SRGAP1: variants seen among roughly 807,000 people sequenced by gnomAD.
SRGAP1 encodes SLIT-ROBO Rho GTPase activating protein 1.
In SRGAP1, 43 loss-of-function variants were observed where a neutral mutation model predicts 121.9. That is an observed-to-expected ratio of 0.35 (90% confidence interval 0.28 to 0.46). SRGAP1 has a LOEUF of 0.46. Among genes scored for constraint, SRGAP1 ranks in the 20% least tolerant of loss-of-function variants. SRGAP1 has a pLI of 1.00. For missense variants in SRGAP1, 1,102 were observed against 1,350.9 expected, an observed-to-expected ratio of 0.82 and a Z score of 2.89; for synonymous variants, 447 against 485.4, an observed-to-expected ratio of 0.92 and a Z score of 1.04.
intron 18 of SRGAP1, among the ~76,000 whole-genome samples, chr12:64,118,106 C>T (rs759553496): frequency 7.2e-5 from 11 of 152,080 alleles, no homozygotes; most frequent in Non-Finnish European, 1.5e-4. Context: ...TGGATAAATA[C>T]CCAGAAGTAG....
At position 64,153,864 on chromosome 12, in the gene SRGAP1, C is replaced by T. The variant is rs1400347635; in HGVS notation, c.*11192C>T. ...TATTTGCACACTCATGTTCACGCAGCTTAATTCACAATAGCCACAAGAGAG... is the reference window on the plus strand; with the variant it reads ...TATTTGCACACTCATGTTCACGCAGTTTAATTCACAATAGCCACAAGAGAG... On this transcript the variant is annotated 3_prime_UTR_variant, in exon 22 of 22. Coordinates refer to ENST00000355086, the MANE Select transcript of SRGAP1 (RefSeq NM_020762.4). 2.0e-5 allele frequency: 3 copies of T among 152,200 alleles called. No homozygotes were observed. The highest frequency in any genetic ancestry group is 1.3e-4 in the Admixed American group (2 of 15,284). The allele number at this position is 152,200 out of a possible 1,614,324, so 9.4% of individuals were successfully genotyped here.
intron 1 of SRGAP1, among the ~76,000 whole-genome samples, chr12:63,870,499 T>C (rs1478819700): frequency 1.3e-5 from 2 of 151,858 alleles, no homozygotes; most frequent in African/African-American, 2.4e-5. Flanking sequence ...ATGGCTTTGC[T>C]AGTTTCCAAA....
chr12:64,039,494 T>G (rs1363718952), intron 4 of SRGAP1, among the ~76,000 whole-genome samples: 1 of 152,140 alleles, frequency 6.6e-6, no homozygotes. Flanking sequence ...ATTTTTTCTT[T>G]GCGATAATTT....
intron 21 of SRGAP1, among the ~76,000 whole-genome samples, chr12:64,133,242 T>C (rs558833347): frequency 1.5e-3 from 235 of 152,344 alleles, no homozygotes; most frequent in African/African-American, 5.4e-3. Context: ...CCTGCTCTAA[T>C]GGCTTCCATT....
intron 1 of SRGAP1, among the ~76,000 whole-genome samples, chr12:63,889,701 A>G (rs182469268): frequency 1.6e-4 from 25 of 152,216 alleles, no homozygotes; most frequent in African/African-American, 5.3e-4. Context: ...TGAGGGCAGG[A>G]GTTCAAGACC....
intron 18 of SRGAP1, among the ~76,000 whole-genome samples, chr12:64,118,188 G>A (rs1393378695): frequency 1.3e-5 from 2 of 152,192 alleles, no homozygotes; most frequent in Non-Finnish European, 2.9e-5. Context: ...TGAAGCAGAT[G>A]TGCCATTTTG....
At chr12:63,930,893 A>G (rs1261078912) in intron 1 of SRGAP1, among the ~76,000 whole-genome samples, 1 of 152,156 alleles carries the variant, frequency 6.6e-6, no homozygotes, top group African/African-American at 2.4e-5. Context: ...TAAATGTTCA[A>G]TTTGGTTCTT....
At chr12:64,032,994 A>G (rs1164658284) in intron 4 of SRGAP1, among the ~76,000 whole-genome samples, 1 of 152,160 alleles carries the variant, frequency 6.6e-6, no homozygotes. Flanking sequence ...TCAATTACAA[A>G]TAAAAATATT....
At chr12:64,022,169 G>A (rs914623245) in intron 4 of SRGAP1, among the ~76,000 whole-genome samples, 8 of 152,138 alleles carry the variant, frequency 5.3e-5, no homozygotes, top group Non-Finnish European at 1.0e-4. Context: ...GTGTGTGTGT[G>A]TGTGCATGTG....
chr12:63,967,015 T>C (rs2032808557), intron 1 of SRGAP1, among the ~76,000 whole-genome samples: 1 of 152,262 alleles, frequency 6.6e-6, no homozygotes, highest in South Asian at 2.1e-4. Flanking sequence ...ATAGGTTGGC[T>C]TTATCCTGTC....
intron 4 of SRGAP1, among the ~76,000 whole-genome samples, chr12:64,024,087 A>G (rs1355486872): frequency 6.6e-6 from 1 of 152,182 alleles, no homozygotes; most frequent in African/African-American, 2.4e-5. Context: ...AGACTGTTAT[A>G]TGGGTTACAG....
At chr12:63,865,675 C>T (rs759721039) in intron 1 of SRGAP1, among the ~76,000 whole-genome samples, 4 of 152,162 alleles carry the variant, frequency 2.6e-5, no homozygotes, top group Non-Finnish European at 5.9e-5. Context: ...ACTTTTGAAG[C>T]GTTGGTCGAG....
At chr12:63,873,052 T>C (rs886456316) in intron 1 of SRGAP1, among the ~76,000 whole-genome samples, 1 of 152,190 alleles carries the variant, frequency 6.6e-6, no homozygotes, top group Non-Finnish European at 1.5e-5. Flanking sequence ...CTTAGTGTTT[T>C]AAGTGCCTTG....
At chr12:63,984,244 T>C (rs1307635199) in intron 2 of SRGAP1, 102 bp downstream of exon 2, 7 of 531,608 alleles carry the variant, frequency 1.3e-5, no homozygotes, top group Non-Finnish European at 1.8e-5. Flanking sequence ...TGAGTAGTGG[T>C]TGTAGAGCAT....
intron 15 of SRGAP1, among the ~76,000 whole-genome samples, chr12:64,107,113 A>G (rs998951688): frequency 2.6e-5 from 4 of 152,272 alleles, no homozygotes; most frequent in African/African-American, 9.6e-5. Flanking sequence ...CTGATAAATT[A>G]TTGCTTGTTT....
chr12:64,125,601 T>A (rs1288842539), intron 18 of SRGAP1, among the ~76,000 whole-genome samples: 5 of 152,212 alleles, frequency 3.3e-5, no homozygotes, highest in Non-Finnish European at 7.3e-5. Flanking sequence ...CTCAGTGTCA[T>A]CTATCAATGC....
chr12:64,056,313 T>C (rs550442343), intron 6 of SRGAP1, among the ~76,000 whole-genome samples: 1 of 152,004 alleles, frequency 6.6e-6, no homozygotes, highest in South Asian at 2.1e-4. Flanking sequence ...TCCATTCTCT[T>C]CCCAAGCAGC....
rs148581562 is a variant in SRGAP1 at position 64,067,636 on chromosome 12, A to G, written c.1125+2417A>G. On this transcript the variant is annotated intron_variant, in intron 8 of 21. Transcript: ENST00000355086. ...TAAGATTTCAATTAGATTTTCGATAATCAGTAGATACCATAAAAATAGAGG... is the reference window on the plus strand; with the variant it reads ...TAAGATTTCAATTAGATTTTCGATAGTCAGTAGATACCATAAAAATAGAGG... Among the ~76,000 whole-genome samples the G allele has an allele frequency of 3.7e-3, 566 of 152,282 alleles. 2 individuals carry two copies. Among genetic ancestry groups the G allele is most frequent in the African/African-American group, 0.013 (532 of 41,556 alleles).
chr12:63,990,140 A>G lies in SRGAP1; in HGVS notation c.426+68A>G, dbSNP rs1024085726. 6 of 1,283,448 alleles carry G rather than the reference A, an allele frequency of 4.7e-6. No homozygotes were observed. The African/African-American group carries it at 9.0e-5, about 19-fold the overall frequency. 79.5% of individuals were successfully genotyped at this position (1,283,448 alleles called of 1,614,324 possible). A position where few individuals can be genotyped will look rare whatever the true frequency, so the allele number is the denominator to read the frequency against. On this transcript the variant is annotated intron_variant, in intron 3 of 21. Transcript: ENST00000355086. ...GCCTTGTCTATAACCAGGACTGAGA[A>G]CGGTATCTGAAAAATTAGGTGAATG...
Sources: gnomAD v4.1 joint callset for allele counts (sites outside exome capture counted in the v4.1 genomes callset) on GRCh38, gnomAD v4.1.1 for gene constraint, MANE v1.5 for transcripts, NCBI Gene and HGNC (gene_info 2026-07-23, HGNC 2026-07-21) for gene names.